Variants in ABL1 observed in about 807,000 individuals in gnomAD.
ABL1 encodes the protein tyrosine-protein kinase ABL1.
A neutral mutation model predicts 94.7 loss-of-function variants in ABL1; 11 were observed. That is an observed-to-expected ratio of 0.12 (90% CI 0.07 to 0.19). The LOEUF (loss-of-function observed/expected upper bound fraction) is 0.19, where lower values mean the gene tolerates loss of function less well. Ranked by LOEUF, ABL1 falls within the 10% of genes least tolerant of loss-of-function variation. The pLI, the probability that ABL1 is intolerant of heterozygous loss-of-function variation, is 1.00. For synonymous variants in ABL1, 656 were observed against 622.4 expected (o/e 1.05, Z -0.80); for missense variants, 1,082 against 1,489.4 (o/e 0.73, Z 4.50).
intron 1 of ABL1, among the ~76,000 whole-genome samples, chr9:130,810,543 G>T (rs1428504372): frequency 6.6e-6 from 1 of 151,338 alleles, no homozygotes; most frequent in Non-Finnish European, 1.5e-5. Context: ...AAGACTGTCA[G>T]AATAAACATT....
At chr9:130,732,562 A>T (rs900646207) in intron 1 of ABL1, among the ~76,000 whole-genome samples, 8 of 152,182 alleles carry the variant, frequency 5.3e-5, no homozygotes, top group Non-Finnish European at 1.2e-4. Flanking sequence ...CCTGGAAATG[A>T]CTAACAGCTG....
At chr9:130,736,531 T>C (rs1831745913) in intron 1 of ABL1, among the ~76,000 whole-genome samples, 1 of 152,126 alleles carries the variant, frequency 6.6e-6, no homozygotes, top group African/African-American at 2.4e-5. Flanking sequence ...GCTCTTGTTG[T>C]CCAGGCTGGA....
intron 1 of ABL1, among the ~76,000 whole-genome samples, chr9:130,767,618 C>T (rs1221529212): frequency 1.3e-5 from 2 of 152,226 alleles, no homozygotes; most frequent in African/African-American, 4.8e-5. Context: ...CAGGCAGGAG[C>T]CACTGTGCCC....
At chr9:130,792,709 C>G (rs2132810364) in intron 1 of ABL1, among the ~76,000 whole-genome samples, 1 of 152,304 alleles carries the variant, frequency 6.6e-6, no homozygotes, top group South Asian at 2.1e-4. Context: ...GATCGTATGA[C>G]ATCTCATTTG....
intron 2 of ABL1, 126 bp from the exon 3 acceptor site, chr9:130,854,674 TG>T: frequency 1.0e-6 from 1 of 988,108 alleles, no homozygotes; most frequent in Non-Finnish European, 1.5e-6. Flanking sequence ...TATCTTTATG[TG>T]GACTTGTTAA....
intron 4 of ABL1, among the ~76,000 whole-genome samples, chr9:130,865,746 C>CAAAAA (rs36055589): frequency 1.6e-5 from 1 of 61,684 alleles, no homozygotes; most frequent in Admixed American, 1.8e-4. Context: ...ACCCTGTCTC[C>CAAAAA]AAAAAAAAAA....
intron 1 of ABL1, among the ~76,000 whole-genome samples, chr9:130,842,032 A>G (rs1830681436): frequency 6.9e-6 from 1 of 145,660 alleles, no homozygotes; most frequent in Non-Finnish European, 1.5e-5. Flanking sequence ...GAGACAGGAA[A>G]GGGAAAAAAA....
At chr9:130,767,079 G>A (rs1341149037) in intron 1 of ABL1, among the ~76,000 whole-genome samples, 1 of 152,038 alleles carries the variant, frequency 6.6e-6, no homozygotes, top group East Asian at 1.9e-4. Context: ...TCTGGTGCCT[G>A]GCTCTTTCAG....
chr9:130,875,123 T>C, intron 7 of ABL1, 71 bp downstream of exon 7: 1 of 1,463,984 alleles, frequency 6.8e-7, no homozygotes, highest in South Asian at 1.3e-5. Flanking sequence ...TCTTTCTTGC[T>C]CTTCCCTTTC....
At chr9:130,785,161 G>C (rs1265128612) in intron 1 of ABL1, among the ~76,000 whole-genome samples, 1 of 152,224 alleles carries the variant, frequency 6.6e-6, no homozygotes, top group Non-Finnish European at 1.5e-5. Flanking sequence ...GAGTGCTGGA[G>C]GGACATGGCA....
chr9:130,856,796 G>A (rs1372415212), intron 3 of ABL1, among the ~76,000 whole-genome samples: 1 of 152,188 alleles, frequency 6.6e-6, no homozygotes, highest in Admixed American at 6.5e-5. Context: ...TTGTTTTATG[G>A]CAACAGGTTT....
intron 1 of ABL1, among the ~76,000 whole-genome samples, chr9:130,792,886 G>A (rs2132810596): frequency 6.6e-6 from 1 of 152,220 alleles, no homozygotes; most frequent in South Asian, 2.1e-4. Flanking sequence ...ACACCATCTT[G>A]CCTCTACAAA....
At chr9:130,736,895 G>A (rs1018851802) in intron 1 of ABL1, among the ~76,000 whole-genome samples, 1 of 152,174 alleles carries the variant, frequency 6.6e-6, no homozygotes, top group African/African-American at 2.4e-5. Context: ...AAACTATGTA[G>A]GGCCTAGTTG....
chr9:130,750,414 TCCCTCCCTCCCTCCCTCCCTCCCTC>T (rs1831946465), intron 1 of ABL1, among the ~76,000 whole-genome samples: 1 of 15,114 alleles, frequency 6.6e-5, no homozygotes, highest in African/African-American at 2.0e-4. Context: ...CCTCCCTCCC[TCCCTCCCTCCCTCCCTCCCTCCCTC>T]CCTCCCTCCT....
At chr9:130,719,393 G>T (rs1399600752) in intron 1 of ABL1, among the ~76,000 whole-genome samples, 1 of 152,020 alleles carries the variant, frequency 6.6e-6, no homozygotes, top group East Asian at 1.9e-4. Flanking sequence ...GCTGGGCGTG[G>T]TTGCAGGTGC....
chr9:130,722,224 C>T (rs1831525722), intron 1 of ABL1, among the ~76,000 whole-genome samples: 1 of 152,026 alleles, frequency 6.6e-6, no homozygotes, highest in Non-Finnish European at 1.5e-5. Flanking sequence ...GAAACCCCAT[C>T]TCTACTAAAA....
In ABL1 at chr9:130,855,979, G is replaced by A. The variant is rs145584667; in HGVS notation, c.549+883G>A. Among the ~76,000 whole-genome samples the A allele has an allele frequency of 7.7e-3, 1,172 of 152,152 alleles. 15 individuals are homozygous for A. The highest frequency in any genetic ancestry group is 0.026 in the African/African-American group (1,086 of 41,506). On this transcript the variant is annotated intron_variant, in intron 3 of 10. Transcript: ENST00000318560. ...CACCCAGGCTGGAGTACAGTGGTGC[G>A]ATCTTGGCTCACTGCAACCTCTGCT...
chr9:130,725,656 A>T (rs1831571633), intron 1 of ABL1, among the ~76,000 whole-genome samples: 1 of 152,080 alleles, frequency 6.6e-6, no homozygotes, highest in Non-Finnish European at 1.5e-5. Context: ...CGGGGATTAC[A>T]GGCATGAGCC....
At chr9:130,776,417 G>A (rs992656817) in intron 1 of ABL1, among the ~76,000 whole-genome samples, 7 of 152,142 alleles carry the variant, frequency 4.6e-5, no homozygotes, top group African/African-American at 1.7e-4. Context: ...CCAACATGGC[G>A]AAACCCCGTC....
Sources: gnomAD v4.1 joint callset for allele counts (sites outside exome capture counted in the v4.1 genomes callset) on GRCh38, gnomAD v4.1.1 for gene constraint, MANE v1.5 for transcripts, NCBI Gene and HGNC (gene_info 2026-07-23, HGNC 2026-07-21) for gene names.